The following ZNF280D variants were observed in gnomAD, a reference collection of about 807,000 sequenced individuals.
The protein encoded by ZNF280D is zinc finger protein 280D.
Under a neutral mutation model 94.7 loss-of-function variants are expected in ZNF280D, and 39 were observed. The observed-to-expected ratio is 0.41, with a 90% confidence interval of 0.32 to 0.54. The LOEUF is 0.54. ZNF280D is among the 20% of genes least tolerant of loss of function. The pLI, the probability that ZNF280D is intolerant of heterozygous loss-of-function variation, is 0.22. For synonymous variants in ZNF280D, 398 were observed against 377.6 expected (o/e 1.05, Z -0.63); for missense variants, 1,090 against 1,149.3 (o/e 0.95, Z 0.75).
intron 13 of ZNF280D, among the ~76,000 whole-genome samples, chr15:56,670,002 T>TA (rs1481232784): frequency 0.021 from 23 of 1,116 alleles, 10 homozygotes; most frequent in Non-Finnish European, 0.058. Context: ...ATATATTATA[T>TA]ATATATAATA....
intron 1 of ZNF280D, among the ~76,000 whole-genome samples, chr15:56,728,228 G>A (rs1220903836): frequency 6.6e-6 from 1 of 151,982 alleles, no homozygotes; most frequent in African/African-American, 2.4e-5. Flanking sequence ...TTCTTATGTT[G>A]CCCAGGCTAG....
intron 3 of ZNF280D, among the ~76,000 whole-genome samples, chr15:56,704,616 CA>C (rs2057289208): frequency 1.3e-5 from 2 of 152,112 alleles, no homozygotes; most frequent in South Asian, 4.1e-4. Context: ...AATGTATTCA[CA>C]AAAGGCAGAT....
Position 56,631,302 on chromosome 15 carries a change from G to T in ZNF280D, c.*196C>A. ...TGTTCGTGTTTTTAAAAACTTTTTG[G>T]GAATCCCTACTAATCATGCTATTAT... On this transcript the variant is annotated 3_prime_UTR_variant, in exon 22 of 22. Coordinates refer to ENST00000267807, the MANE Select transcript of ZNF280D (RefSeq NM_017661.4). 1.3e-5 allele frequency: 7 copies of T among 519,816 alleles called. No individual in the cohort carries two copies. Among genetic ancestry groups the T allele is most frequent in the South Asian group, 8.5e-5 (2 of 23,480 alleles). The allele number at this position is 519,816 out of a possible 1,614,324, so 32.2% of individuals were successfully genotyped here.
intron 6 of ZNF280D, among the ~76,000 whole-genome samples, chr15:56,693,906 C>A (rs567245581): frequency 6.6e-6 from 1 of 152,110 alleles, no homozygotes; most frequent in African/African-American, 2.4e-5. Flanking sequence ...TAGAAAGCCA[C>A]GCTAGGCCAG....
intron 21 of ZNF280D, among the ~76,000 whole-genome samples, chr15:56,633,878 T>G (rs2052216015): frequency 6.6e-6 from 1 of 152,184 alleles, no homozygotes. Flanking sequence ...TTTTTAAGTT[T>G]GTCAGTTTCC....
intron 1 of ZNF280D, among the ~76,000 whole-genome samples, chr15:56,720,831 T>C (rs2058316086): frequency 6.6e-6 from 1 of 152,054 alleles, no homozygotes; most frequent in African/African-American, 2.4e-5. Flanking sequence ...GAGCAGTAGG[T>C]TTCAATAACA....
Position 56,682,478 on chromosome 15 carries a change from CTG to C in ZNF280D, c.781-3_781-2del. On this transcript the variant is annotated splice_acceptor_variant and splice_polypyrimidine_tract_variant and intron_variant, in intron 9 of 21. Coordinates refer to ENST00000267807, the MANE Select transcript of ZNF280D (RefSeq NM_017661.4). LOFTEE classifies it high-confidence loss of function. The stretch of plus-strand genomic sequence containing the variant: ...TATTTATCATGTCTGGACAACAATA[CTG>C]AAAGAGAAAAAAAAAAAAAAAAAAC... 1.3e-6 allele frequency: 1 copy of C among 793,916 alleles called. No individual in the cohort carries two copies. 49.2% of individuals were successfully genotyped at this position (793,916 alleles called of 1,614,324 possible).
At chr15:56,715,427 T>C (rs1210253078) in intron 1 of ZNF280D, among the ~76,000 whole-genome samples, 2 of 152,052 alleles carry the variant, frequency 1.3e-5, no homozygotes, top group African/African-American at 2.4e-5. Flanking sequence ...ATGATAGTGA[T>C]TGAAGATAGA....
At chr15:56,684,120 G>C (rs146421511) in intron 9 of ZNF280D, among the ~76,000 whole-genome samples, 1 of 152,144 alleles carries the variant, frequency 6.6e-6, no homozygotes, top group Admixed American at 6.5e-5. Flanking sequence ...GCTACATAAA[G>C]AATCAGACAC....
chr15:56,643,771 C>T (rs1416293098), intron 19 of ZNF280D, among the ~76,000 whole-genome samples: 1 of 151,746 alleles, frequency 6.6e-6, no homozygotes, highest in African/African-American at 2.4e-5. Flanking sequence ...AGGGTACCTA[C>T]CTGATCTGAA....
chr15:56,732,979 C>A (rs772257635), intron 1 of ZNF280D: 4 of 152,310 alleles, frequency 2.6e-5, no homozygotes, highest in Non-Finnish European at 5.9e-5. Context: ...AATGAGGGGC[C>A]CTGTGCCTGC....
chr15:56,690,211 T>C (rs1476052238), intron 7 of ZNF280D, among the ~76,000 whole-genome samples: 1 of 152,044 alleles, frequency 6.6e-6, no homozygotes, highest in Non-Finnish European at 1.5e-5. Flanking sequence ...TGAAACCCCA[T>C]CTCTACTAAA....
At chr15:56,653,743 T>C (rs1227123665) in intron 19 of ZNF280D, 1 of 1,304,608 alleles carries the variant, frequency 7.7e-7, no homozygotes, top group Non-Finnish European at 9.7e-7. Flanking sequence ...GAATCTATTA[T>C]TCTGAAGGCA....
At chr15:56,647,121 C>A (rs998905075) in intron 19 of ZNF280D, among the ~76,000 whole-genome samples, 5 of 152,090 alleles carry the variant, frequency 3.3e-5, no homozygotes, top group African/African-American at 1.2e-4. Flanking sequence ...AAAGTATGAC[C>A]AAATTTGTGC....
At chr15:56,700,202 T>C (rs1430954352) in intron 6 of ZNF280D, 2 of 970,018 alleles carry the variant, frequency 2.1e-6, no homozygotes, top group African/African-American at 1.8e-5. Context: ...AACATATATG[T>C]ATGTATGTGT....
At chr15:56,712,348 A>C (rs1387557218) in intron 1 of ZNF280D, among the ~76,000 whole-genome samples, 13 of 152,152 alleles carry the variant, frequency 8.5e-5, no homozygotes, top group Non-Finnish European at 1.6e-4. Flanking sequence ...CTATTAAGAA[A>C]AAAACGTTCA....
intron 20 of ZNF280D, among the ~76,000 whole-genome samples, chr15:56,638,988 A>T (rs1373951970): frequency 6.6e-6 from 1 of 152,046 alleles, no homozygotes; most frequent in Non-Finnish European, 1.5e-5. Flanking sequence ...TACCAAAAAA[A>T]ACAAAAAGGA....
At chr15:56,697,027 G>T (rs1251750928) in intron 6 of ZNF280D, among the ~76,000 whole-genome samples, 1 of 151,900 alleles carries the variant, frequency 6.6e-6, no homozygotes, top group Non-Finnish European at 1.5e-5. Flanking sequence ...TTTACCTAAC[G>T]AACTATTAAA....
chr15:56,632,976 T>C (rs1306693003), intron 21 of ZNF280D, among the ~76,000 whole-genome samples: 4 of 152,156 alleles, frequency 2.6e-5, no homozygotes, highest in Non-Finnish European at 4.4e-5. Context: ...TGTACACATA[T>C]ATATATGTGT....
Sources: allele counts gnomAD v4.1 joint callset (sites outside exome capture counted in the v4.1 genomes callset), GRCh38; gene constraint gnomAD v4.1.1; transcripts MANE v1.5; gene names NCBI Gene and HGNC (gene_info 2026-07-23, HGNC 2026-07-21).